The following SEPSECS variants were observed in gnomAD, a reference collection of about 807,000 sequenced individuals.
SEPSECS encodes the protein O-phosphoseryl-tRNA(Sec) selenium transferase.
In SEPSECS, 42 loss-of-function variants were observed where a neutral mutation model predicts 52.1. That is an observed-to-expected ratio of 0.81 (90% CI 0.63 to 1.04). The LOEUF (loss-of-function observed/expected upper bound fraction) is 1.04, where lower values mean the gene tolerates loss of function less well. SEPSECS is among the 50% of genes least tolerant of loss of function. SEPSECS has a pLI of 0.00. For missense variants in SEPSECS, 590 were observed against 610.6 expected (o/e 0.97, Z 0.36); for synonymous variants, 216 against 211.4 (o/e 1.02, Z -0.19).
At chr4:25,129,859 T>C (rs1288521719) in intron 8 of SEPSECS, among the ~76,000 whole-genome samples, 1 of 152,134 alleles carries the variant, frequency 6.6e-6, no homozygotes, top group Non-Finnish European at 1.5e-5. Flanking sequence ...TCCTATAAAG[T>C]AATTAGGTTA....
intron 8 of SEPSECS, among the ~76,000 whole-genome samples, chr4:25,136,100 C>T (rs1161997311): frequency 6.6e-6 from 1 of 152,162 alleles, no homozygotes; most frequent in African/African-American, 2.4e-5. Flanking sequence ...CAATATCATA[C>T]TGAATGGGCA....
At position 25,124,084 on chromosome 4, in the gene SEPSECS, T is replaced by C; in HGVS notation, c.1353A>G (p.Ile451Met). 6.2e-7 allele frequency: 1 copy of C among 1,613,880 alleles called. No homozygotes were observed. Among genetic ancestry groups the C allele is most frequent in the Admixed American group, 1.7e-5 (1 of 59,994 alleles). Residue 451 changes from isoleucine to methionine, a missense_variant, in exon 11 of 11, where the codon ATA becomes ATG. Physicochemically the swap from Ile to Met is conservative, Grantham distance 10. Transcript: ENST00000382103. Reference protein sequence around the residue: ...GMKMQDVDLFIKRLDRCLKAV... With the variant: ...GMKMQDVDLFMKRLDRCLKAV... ...CCTTTAAACACCTGTCAAGTCTCTTTATGAACAGGTCCACATCCTGCATCT... is the reference window on the plus strand; with the variant it reads ...CCTTTAAACACCTGTCAAGTCTCTTCATGAACAGGTCCACATCCTGCATCT...
intron 8 of SEPSECS, among the ~76,000 whole-genome samples, chr4:25,139,615 A>G (rs566897795): frequency 2.0e-5 from 3 of 151,998 alleles, no homozygotes; most frequent in African/African-American, 7.2e-5. Flanking sequence ...CAATCTCTTG[A>G]CCTCGTGATC....
At chr4:25,144,306 C>T (rs1311533201) in intron 8 of SEPSECS, among the ~76,000 whole-genome samples, 2 of 142,928 alleles carry the variant, frequency 1.4e-5, no homozygotes, top group Non-Finnish European at 3.0e-5. Context: ...TGCCATTGCA[C>T]TCCAACCCAA....
chr4:25,134,496 T>C (rs1728751560), intron 8 of SEPSECS, among the ~76,000 whole-genome samples: 1 of 152,154 alleles, frequency 6.6e-6, no homozygotes, highest in African/African-American at 2.4e-5. Context: ...ATCTACTATA[T>C]ATCAAGTAAG....
At chr4:25,130,354 C>CT (rs1728561556) in intron 8 of SEPSECS, among the ~76,000 whole-genome samples, 1 of 152,204 alleles carries the variant, frequency 6.6e-6, no homozygotes, top group Non-Finnish European at 1.5e-5. Flanking sequence ...CTTACTGATG[C>CT]ATACATGGCT....
chr4:25,144,391 T>C (rs969934650), intron 8 of SEPSECS, among the ~76,000 whole-genome samples: 1 of 149,626 alleles, frequency 6.7e-6, no homozygotes, highest in East Asian at 2.0e-4. Flanking sequence ...GTGACTGACA[T>C]CTCACTCCTA....
rs986264216 is a variant in SEPSECS at position 25,159,036 on chromosome 4, G to A, written c.186C>T (p.Asp62=). The change falls in exon 2 of 11, where the codon GAC becomes GAT. Residue 62 remains aspartate (D), a synonymous_variant. Transcript: ENST00000382103. ...CACAATTGCCTAAGAAATTGTTGCT[G>A]TCCATGATTGCAAGTTCATGTAAAA... is the stretch of plus-strand genomic sequence containing the variant. ...ELFLHELAIM[D]SNNFLGNCGV... 2 of 1,612,844 alleles carry A rather than the reference G, an allele frequency of 1.2e-6. No individual in the cohort carries two copies. The highest frequency in any genetic ancestry group is 1.7e-5 in the Admixed American group (1 of 59,920).
chr4:25,122,792 A>C lies in SEPSECS; in HGVS notation c.*1139T>G, dbSNP rs924145539. On this transcript the variant is annotated 3_prime_UTR_variant, in exon 11 of 11. Transcript: ENST00000382103. ...ATTTCTTAAATTAACAACAAAAATT[A>C]TTGTTAAAGCCAGTAAGTCTGGAAT... The C allele has an allele frequency of 6.6e-6, 1 of 152,152 alleles. No individual in the cohort carries two copies. Among genetic ancestry groups the C allele is most frequent in the African/African-American group, 2.4e-5 (1 of 41,452 alleles). The allele number at this position is 152,152 out of a possible 1,614,324, so 9.4% of individuals were successfully genotyped here.
intron 2 of SEPSECS, 80 bp downstream of exon 2, chr4:25,158,870 CTAA>C (rs1331102151): frequency 1.5e-6 from 2 of 1,345,364 alleles, no homozygotes; most frequent in African/African-American, 2.9e-5. Flanking sequence ...ATTTGATAAT[CTAA>C]TAAGATAAAT....
intron 8 of SEPSECS, among the ~76,000 whole-genome samples, 194 bp downstream of exon 8, chr4:25,144,580 C>T (rs577523851): frequency 6.6e-6 from 1 of 150,768 alleles, no homozygotes; most frequent in Non-Finnish European, 1.5e-5. Context: ...CCAGATTCCT[C>T]GTAATATCTG....
intron 8 of SEPSECS, among the ~76,000 whole-genome samples, chr4:25,131,534 G>C (rs80285692): frequency 6.6e-6 from 1 of 152,116 alleles, no homozygotes; most frequent in Non-Finnish European, 1.5e-5. Context: ...GGATCCAGGA[G>C]CAAGTGGCGA....
At chr4:25,131,689 T>C (rs1461356268) in intron 8 of SEPSECS, among the ~76,000 whole-genome samples, 1 of 152,222 alleles carries the variant, frequency 6.6e-6, no homozygotes, top group African/African-American at 2.4e-5. Context: ...AGCTCTGCTA[T>C]AAGGACACTG....
intron 6 of SEPSECS, among the ~76,000 whole-genome samples, chr4:25,148,430 C>A (rs939092083): frequency 7.1e-6 from 1 of 140,024 alleles, no homozygotes; most frequent in African/African-American, 2.6e-5. Context: ...TATATATTAA[C>A]AATAAGGACT....
At position 25,145,097 on chromosome 4, in the gene SEPSECS, T is replaced by G; in HGVS notation, c.841A>C (p.Ser281Arg). ...GGAACCATAAAATTTTTGTCCAAGC[T>G]CTGAACAAAAGCATCTATTCTACCA... Reference protein sequence around the residue: ...RVGRIDAFVQSLDKNFMVPVG... With the variant: ...RVGRIDAFVQRLDKNFMVPVG... The change falls in exon 7 of 11, where the codon AGC (serine) becomes CGC (arginine). Residue 281 changes from serine (S) to arginine (R), a missense_variant. By Grantham distance (110) the Ser-to-Arg change is moderately radical. Transcript: ENST00000382103. The G allele has an allele frequency of 1.2e-6, 2 of 1,613,894 alleles. No individual in the cohort carries two copies. Among genetic ancestry groups the G allele is most frequent in the Non-Finnish European group, 1.7e-6 (2 of 1,179,884 alleles).
At chr4:25,130,420 T>C (rs904154737) in intron 8 of SEPSECS, among the ~76,000 whole-genome samples, 1 of 152,260 alleles carries the variant, frequency 6.6e-6, no homozygotes, top group Non-Finnish European at 1.5e-5. Context: ...AAATTAGTTT[T>C]TACCAGTTCT....
rs1255079103 is a variant in SEPSECS at position 25,123,944 on chromosome 4, T to C, written c.1493A>G (p.Asp498Gly). ...ACCCTTCGCATGTCATGAAGAAGCA[T>C]CCTGGTATGTGTCAAGAAGTACATT... The part of the protein sequence containing the change: ...LDNVLLDTYQ[D>G]ASS The change falls in exon 11 of 11, where the codon GAT becomes GGT. Residue 498 changes from aspartate (D) to glycine (G), a missense_variant. Transcript: ENST00000382103. The C allele has an allele frequency of 6.2e-7, 1 of 1,613,272 alleles. No homozygotes were observed. Among genetic ancestry groups the C allele is most frequent in the Non-Finnish European group, 8.5e-7 (1 of 1,179,394 alleles).
intron 8 of SEPSECS, among the ~76,000 whole-genome samples, chr4:25,128,429 T>TAACAAA (rs142838476): frequency 0.013 from 1,919 of 150,632 alleles, 38 homozygotes; most frequent in African/African-American, 0.043. Flanking sequence ...CTGGGTAACA[T>TAACAAA]AACAAAAACA....
Position 25,151,822 on chromosome 4 carries a change from G to C in SEPSECS, c.804+138C>G, listed in dbSNP as rs1171327727. 4 of 655,936 alleles carry C rather than the reference G, an allele frequency of 6.1e-6. No homozygotes were observed. The Admixed American group carries it at 9.0e-5, about 15-fold the overall frequency. 40.6% of individuals were successfully genotyped at this position (655,936 alleles called of 1,614,324 possible). A position where few individuals can be genotyped will look rare whatever the true frequency, so the allele number is the denominator to read the frequency against. The stretch of plus-strand genomic sequence containing the variant: ...GACTTTTATTGAGAGATTATCAGAT[G>C]TAAGTTCCTAACACAACCTGAAGCA... On this transcript the variant is annotated intron_variant, in intron 6 of 10. Transcript: ENST00000382103.
Sources: allele counts gnomAD v4.1 joint callset (sites outside exome capture counted in the v4.1 genomes callset), GRCh38; gene constraint gnomAD v4.1.1; transcripts MANE v1.5; gene names NCBI Gene and HGNC (gene_info 2026-07-23, HGNC 2026-07-21).